MCTP2: variants seen among roughly 807,000 people sequenced by gnomAD.
MCTP2 encodes multiple C2 and transmembrane domain-containing protein 2.
MCTP2 carries 132 observed loss-of-function variants against 111.6 expected under a neutral mutation model. That is an observed-to-expected ratio of 1.18 (90% confidence interval 1.03 to 1.37). The LOEUF (loss-of-function observed/expected upper bound fraction) is 1.37, where lower values mean the gene tolerates loss of function less well. Among genes scored for constraint, MCTP2 ranks in the 40% most tolerant of loss-of-function variants. MCTP2 has a pLI of 0.00. For synonymous variants in MCTP2, 395 were observed against 387.7 expected (o/e 1.02, Z -0.22); for missense variants, 1,183 against 1,067.9 (o/e 1.11, Z -1.50).
At chr15:94,465,037 A>G (rs565370982) in intron 20 of MCTP2, among the ~76,000 whole-genome samples, 1 of 152,182 alleles carries the variant, frequency 6.6e-6, no homozygotes, top group South Asian at 2.1e-4. Context: ...AATTACTTAG[A>G]TGTGTTTAAA....
At chr15:94,384,538 C>A (rs2080344079) in intron 13 of MCTP2, among the ~76,000 whole-genome samples, 2 of 152,114 alleles carry the variant, frequency 1.3e-5, no homozygotes, top group Non-Finnish European at 2.9e-5. Flanking sequence ...TCCTTATATT[C>A]CAGTTTATCT....
chr15:94,476,697 C>A lies in MCTP2; in HGVS notation c.2472C>A (p.Gly824=). 6.6e-7 allele frequency: 1 copy of A among 1,513,008 alleles called. No individual in the cohort carries two copies. Among genetic ancestry groups the A allele is most frequent in the Non-Finnish European group, 9.1e-7 (1 of 1,095,512 alleles). The allele number at this position is 1,513,008 out of a possible 1,614,324, so 93.7% of individuals were successfully genotyped here. Residue 824 remains glycine, a splice_region_variant and synonymous_variant, in exon 22 of 23, where the codon GGC becomes GGA. Transcript: ENST00000357742. ...ATCTCCTGTGTTTCTATTTTTCAGG[C>A]ATAAATAAATTTACTAAGAAGCTTC... ...IPLRYIILIW[G]INKFTKKLRN...
chr15:94,329,128 A>G (rs746580475), intron 4 of MCTP2, among the ~76,000 whole-genome samples: 5 of 152,250 alleles, frequency 3.3e-5, no homozygotes, highest in African/African-American at 1.2e-4. Context: ...CAGTCACCCA[A>G]TTCAAGAGGA....
intron 4 of MCTP2, among the ~76,000 whole-genome samples, chr15:94,335,650 T>A (rs2077325607): frequency 6.6e-6 from 1 of 152,282 alleles, no homozygotes; most frequent in Non-Finnish European, 1.5e-5. Flanking sequence ...GGATGCCTAT[T>A]GTAGTATTGT....
At chr15:94,295,993 A>G (rs2075258148) in intron 1 of MCTP2, among the ~76,000 whole-genome samples, 2 of 151,782 alleles carry the variant, frequency 1.3e-5, no homozygotes. Flanking sequence ...TCTCAATTGC[A>G]TTGTTTTAAT....
chr15:94,266,057 C>T (rs138950891), intron 1 of MCTP2, among the ~76,000 whole-genome samples: 55 of 132,596 alleles, frequency 4.1e-4, no homozygotes, highest in African/African-American at 1.5e-3. Flanking sequence ...GTGCTGTACA[C>T]ATACACGTGC....
At position 94,472,175 on chromosome 15, in the gene MCTP2, C is replaced by T. The variant is rs181701780; in HGVS notation, c.2470+1733C>T. 6.5e-3 allele frequency among the ~76,000 whole-genome samples: 997 copies of T among 152,250 alleles called. 15 individuals are homozygous for T. The highest frequency in any genetic ancestry group is 0.044 in the Middle Eastern group (13 of 294). On this transcript the variant is annotated intron_variant, in intron 21 of 22. Transcript: ENST00000357742. ...GGCAGATCACCCGAGGTCAGGAGTT[C>T]GAGACCAGCCTGGCCAATATGGTGA...
chr15:94,337,697 A>G, intron 4 of MCTP2, among the ~76,000 whole-genome samples: 1 of 151,920 alleles, frequency 6.6e-6, no homozygotes, highest in Non-Finnish European at 1.5e-5. Context: ...GCGCGCATGC[A>G]CGCGCGTGTG....
Position 94,476,793 on chromosome 15 carries a change from G to A in MCTP2, c.2568G>A (p.Lys856=), listed in dbSNP as rs758689438. ...FLSRVPSDVQ[K]VQYAELKLCS... ...CTAGGGTACCGTCTGATGTTCAAAA[G>A]GTATGTAATGAATGGTTACCACCAA... is the stretch of plus-strand genomic sequence containing the variant. The change falls in exon 22 of 23, where the codon AAG becomes AAA. Residue 856 remains lysine, a splice_region_variant and synonymous_variant. Transcript: ENST00000357742. 7.1e-6 allele frequency: 11 copies of A among 1,553,904 alleles called. No homozygotes were observed. The South Asian group carries it at 1.1e-4, about 16-fold the overall frequency.
chr15:94,245,113 T>C (rs1402889054), intron 1 of MCTP2, among the ~76,000 whole-genome samples: 1 of 149,560 alleles, frequency 6.7e-6, no homozygotes, highest in South Asian at 2.1e-4. Flanking sequence ...TGTTTATATA[T>C]GTATATGTAT....
chr15:94,407,576 G>A (rs560057579), intron 17 of MCTP2, among the ~76,000 whole-genome samples: 5 of 152,162 alleles, frequency 3.3e-5, no homozygotes, highest in East Asian at 3.9e-4. Flanking sequence ...ACAAATTAAA[G>A]CATCAATCAA....
At chr15:94,452,814 T>A in intron 19 of MCTP2, among the ~76,000 whole-genome samples, 1 of 152,252 alleles carries the variant, frequency 6.6e-6, no homozygotes, top group East Asian at 1.9e-4. Flanking sequence ...CCAAAGGCCA[T>A]TTTTAAAGCC....
At chr15:94,311,867 A>G (rs2076158611) in intron 2 of MCTP2, among the ~76,000 whole-genome samples, 1 of 152,226 alleles carries the variant, frequency 6.6e-6, no homozygotes, top group Non-Finnish European at 1.5e-5. Context: ...CATTCAGTAC[A>G]GTGAGGACAA....
chr15:94,440,017 A>G (rs2083686385), intron 17 of MCTP2, among the ~76,000 whole-genome samples, 159 bp from the exon 18 acceptor site: 1 of 152,166 alleles, frequency 6.6e-6, no homozygotes, highest in South Asian at 2.1e-4. Context: ...AGTTCTAAAA[A>G]TGAGTTGATC....
At chr15:94,238,887 T>G (rs1278878401) in intron 1 of MCTP2, among the ~76,000 whole-genome samples, 1 of 152,052 alleles carries the variant, frequency 6.6e-6, no homozygotes, top group African/African-American at 2.4e-5. Context: ...GTGGGAATAT[T>G]CATGAGAGGT....
chr15:94,367,112 C>T (rs969818326), intron 10 of MCTP2, among the ~76,000 whole-genome samples: 9 of 152,260 alleles, frequency 5.9e-5, no homozygotes, highest in Admixed American at 3.3e-4. Flanking sequence ...TAAAAATTCG[C>T]CAGTTGGCAT....
intron 4 of MCTP2, among the ~76,000 whole-genome samples, chr15:94,332,344 T>C (rs149821246): frequency 6.6e-6 from 1 of 152,154 alleles, no homozygotes; most frequent in Admixed American, 6.5e-5. Flanking sequence ...CTGATTCTTT[T>C]CCCAACAAAA....
At chr15:94,348,195 T>G (rs2078092152) in intron 8 of MCTP2, among the ~76,000 whole-genome samples, 1 of 151,900 alleles carries the variant, frequency 6.6e-6, no homozygotes, top group Non-Finnish European at 1.5e-5. Flanking sequence ...TTATATTCTT[T>G]TATTTTGGTT....
At chr15:94,338,629 G>T (rs1171680583) in intron 4 of MCTP2, among the ~76,000 whole-genome samples, 2 of 152,098 alleles carry the variant, frequency 1.3e-5, no homozygotes, top group Admixed American at 1.3e-4. Flanking sequence ...AGCTCCCAGG[G>T]AGGAGCCGGG....
Sources: allele counts gnomAD v4.1 joint callset (sites outside exome capture counted in the v4.1 genomes callset), GRCh38; gene constraint gnomAD v4.1.1; transcripts MANE v1.5; gene names NCBI Gene and HGNC (gene_info 2026-07-23, HGNC 2026-07-21).